KCNQ3: variants seen among roughly 807,000 people sequenced by gnomAD.
KCNQ3 encodes the protein potassium voltage-gated channel subfamily Q member 3, also known as potassium voltage-gated channel subfamily KQT member 3.
In KCNQ3, 30 loss-of-function variants were observed where a neutral mutation model predicts 92.5. That is an observed-to-expected ratio of 0.32 (90% CI 0.24 to 0.44). KCNQ3 has a LOEUF of 0.44. KCNQ3 is among the 20% of genes least tolerant of loss of function. The pLI is 1.00. For synonymous variants in KCNQ3, 450 were observed against 468.8 expected (o/e 0.96, Z 0.52); for missense variants, 913 against 1,140.3 (o/e 0.80, Z 2.87).
chr8:132,186,349 C>A (rs147073526), intron 1 of KCNQ3, among the ~76,000 whole-genome samples, 168 bp from the exon 2 acceptor site: 2 of 152,184 alleles, frequency 1.3e-5, no homozygotes, highest in Non-Finnish European at 2.9e-5. Flanking sequence ...GCAAGGCAGG[C>A]GGAAACAATC....
intron 1 of KCNQ3, among the ~76,000 whole-genome samples, chr8:132,254,412 C>T (rs1388143826): frequency 6.6e-6 from 1 of 152,172 alleles, no homozygotes; most frequent in Non-Finnish European, 1.5e-5. Context: ...TGAAGTATAT[C>T]AACCTGCACC....
intron 1 of KCNQ3, among the ~76,000 whole-genome samples, chr8:132,414,813 G>A (rs1820751626): frequency 6.6e-6 from 1 of 152,192 alleles, no homozygotes. Flanking sequence ...CAAGGAATTT[G>A]GAGCCACCTA....
intron 3 of KCNQ3, among the ~76,000 whole-genome samples, chr8:132,182,912 A>T (rs998375825): frequency 6.8e-6 from 1 of 147,864 alleles, no homozygotes; most frequent in African/African-American, 2.5e-5. Context: ...ACACACACAC[A>T]CTCACATACC....
rs376933089 is a variant in KCNQ3 at position 132,303,677 on chromosome 8, T to TATATATATATATATATAC, written c.387-117497_387-117496insGTATATATATATATATAT. ...TTTATGGTGTGTGTGTATATATATA[T>TATATATATATATATATAC]ACACACACACAGCCACACCACACAC... On this transcript the variant is annotated intron_variant, in intron 1 of 14. Coordinates refer to ENST00000388996, the MANE Select transcript of KCNQ3 (RefSeq NM_004519.4). 1.0e-3 allele frequency among the ~76,000 whole-genome samples: 87 copies of TATATATATATATATATAC among 86,000 alleles called. 5 individuals carry two copies. The highest frequency in any genetic ancestry group is 3.7e-3 in the African/African-American group (81 of 22,190). The allele number at this position is 86,000 out of a possible 152,430, so 56.4% of individuals were successfully genotyped here.
chr8:132,352,328 T>TCA (rs1818898369), intron 1 of KCNQ3, among the ~76,000 whole-genome samples: 1 of 152,160 alleles, frequency 6.6e-6, no homozygotes, highest in East Asian at 1.9e-4. Context: ...GTTTTGGTTG[T>TCA]CACAGGTGGG....
rs757584140 is a variant in KCNQ3 at position 132,129,821 on chromosome 8, T to A, written c.2060A>T (p.Tyr687Phe). The change falls in exon 15 of 15, where the codon TAT (tyrosine) becomes TTT (phenylalanine). Residue 687 changes from tyrosine to phenylalanine, a missense_variant. Transcript: ENST00000388996. The surrounding 1 kb of genome is among the most constrained non-coding windows in gnomAD (Gnocchi z 5.9). ...TGGTTCCGGGGGGCCTGTCTCAGAA[T>A]AGTTGCAGATGATGGTTTTCAAATC... The part of the protein sequence containing the change: ...YSDLKTIICN[Y>F]SETGPPEPPY... 3 of 1,614,186 alleles carry A rather than the reference T, an allele frequency of 1.9e-6. No homozygotes were observed. Among genetic ancestry groups the A allele is most frequent in the Middle Eastern group, 3.3e-4 (2 of 6,062 alleles).
At chr8:132,357,280 C>T (rs73343884) in intron 1 of KCNQ3, among the ~76,000 whole-genome samples, 6,070 of 152,138 alleles carry the variant, frequency 0.04, 329 homozygotes, top group African/African-American at 0.12. Flanking sequence ...GGTAATTCAG[C>T]GAAGCAAGAG....
chr8:132,334,780 C>G (rs1046090066), intron 1 of KCNQ3, among the ~76,000 whole-genome samples: 2 of 152,138 alleles, frequency 1.3e-5, no homozygotes, highest in African/African-American at 4.8e-5. Flanking sequence ...TCAGCCCAGA[C>G]AAGACCCTCT....
chr8:132,436,994 G>A (rs777571220), intron 1 of KCNQ3, among the ~76,000 whole-genome samples: 18 of 152,170 alleles, frequency 1.2e-4, no homozygotes, highest in Non-Finnish European at 2.2e-4. Flanking sequence ...AGAGTGGGGT[G>A]GTGGGCCGGG....
intron 1 of KCNQ3, among the ~76,000 whole-genome samples, chr8:132,284,196 T>C (rs1349857015): frequency 2.0e-5 from 3 of 152,152 alleles, no homozygotes; most frequent in East Asian, 3.9e-4. Flanking sequence ...AAAAAAATAA[T>C]AGGGCTTGAG....
intron 1 of KCNQ3, among the ~76,000 whole-genome samples, chr8:132,446,738 G>T (rs1821686603): frequency 6.6e-6 from 1 of 152,124 alleles, no homozygotes; most frequent in South Asian, 2.1e-4. Flanking sequence ...ATTTAATATT[G>T]ACAGTACAGG....
chr8:132,225,794 T>A (rs1389967868), intron 1 of KCNQ3, among the ~76,000 whole-genome samples: 1 of 152,214 alleles, frequency 6.6e-6, no homozygotes, highest in Non-Finnish European at 1.5e-5. Context: ...CTCCAGGACC[T>A]GCATGCAACC....
chr8:132,392,595 G>A (rs1407595693), intron 1 of KCNQ3, among the ~76,000 whole-genome samples: 1 of 151,264 alleles, frequency 6.6e-6, no homozygotes, highest in Non-Finnish European at 1.5e-5. Flanking sequence ...ATTTAAACCT[G>A]CAACACTCTT....
At chr8:132,410,962 C>T (rs898485961) in intron 1 of KCNQ3, among the ~76,000 whole-genome samples, 16 of 152,302 alleles carry the variant, frequency 1.1e-4, no homozygotes, top group Admixed American at 5.2e-4. Context: ...CATCTTGCTC[C>T]GGTATTTTCT....
chr8:132,432,950 G>A (rs779186746), intron 1 of KCNQ3, among the ~76,000 whole-genome samples: 3 of 152,056 alleles, frequency 2.0e-5, no homozygotes, highest in South Asian at 2.1e-4. Flanking sequence ...AAACAGACAC[G>A]GCAACTACAT....
At chr8:132,477,430 A>G (rs1338736215) in intron 1 of KCNQ3, among the ~76,000 whole-genome samples, 3 of 152,126 alleles carry the variant, frequency 2.0e-5, no homozygotes, top group Non-Finnish European at 4.4e-5. Flanking sequence ...CATTAGCCAC[A>G]GCCCAGAACA....
rs1439686686 is a variant in KCNQ3 at position 132,187,790 on chromosome 8, CGGTGGTGGTGATAGTGATGGTGGTGGT to C, written c.387-1636_387-1610del. Among the ~76,000 whole-genome samples the C allele has an allele frequency of 6.0e-3, 486 of 80,780 alleles. 1 individual carries two copies. The highest frequency in any genetic ancestry group is 0.019 in the Middle Eastern group (2 of 108). The allele number at this position is 80,780 out of a possible 152,430, so 53.0% of individuals were successfully genotyped here. ...GTGGTAGTGATAGTGATGGTGGTGG[CGGTGGTGGTGATAGTGATGGTGGTGGT>C]GGTGGTGGTGGTGATTGTGGTGGTG... is the stretch of plus-strand genomic sequence containing the variant. On this transcript the variant is annotated intron_variant, in intron 1 of 14. Transcript: ENST00000388996.
intron 1 of KCNQ3, among the ~76,000 whole-genome samples, chr8:132,263,245 G>A (rs1265703732): frequency 6.6e-6 from 1 of 152,194 alleles, no homozygotes; most frequent in Non-Finnish European, 1.5e-5. Context: ...CCTGGCAACT[G>A]CCTGGTAACC....
intron 1 of KCNQ3, among the ~76,000 whole-genome samples, chr8:132,385,148 C>T (rs1390179892): frequency 6.6e-6 from 1 of 152,222 alleles, no homozygotes; most frequent in African/African-American, 2.4e-5. Context: ...AAACAGGCAG[C>T]CCCCTTGCCC....
Sources: allele counts gnomAD v4.1 joint callset (sites outside exome capture counted in the v4.1 genomes callset), GRCh38; gene constraint gnomAD v4.1.1; non-coding constraint Gnocchi (gnomAD v3.1); transcripts MANE v1.5; gene names NCBI Gene and HGNC (gene_info 2026-07-23, HGNC 2026-07-21).